Variants in KCTD1 observed in about 807,000 individuals in gnomAD.
KCTD1 encodes BTB/POZ domain-containing protein KCTD1.
KCTD1 carries 24 observed loss-of-function variants against 66.0 expected under a neutral mutation model. That is an observed-to-expected ratio of 0.36 (90% confidence interval 0.26 to 0.51). The LOEUF (loss-of-function observed/expected upper bound fraction) is 0.51. KCTD1 is among the 20% of genes least tolerant of loss of function. The probability of loss-of-function intolerance (pLI) is 0.95; values close to 1 mark genes in which losing one functional copy is unlikely to be tolerated. For synonymous variants in KCTD1, 511 were observed against 517.2 expected (o/e 0.99, Z 0.16); for missense variants, 943 against 1,205.2 (o/e 0.78, Z 3.22).
At chr18:26,505,161 T>C (rs914324688) in intron 1 of KCTD1, among the ~76,000 whole-genome samples, 3 of 152,268 alleles carry the variant, frequency 2.0e-5, no homozygotes, top group African/African-American at 7.2e-5. Flanking sequence ...GCGAGGTCAT[T>C]TGGCTTGGGG....
chr18:26,637,942 G>C (rs1387751456), intron 1 of KCTD1, among the ~76,000 whole-genome samples: 1 of 152,220 alleles, frequency 6.6e-6, no homozygotes, highest in Non-Finnish European at 1.5e-5. Flanking sequence ...TATCATTTTT[G>C]TAACGTTAGA....
intron 1 of KCTD1, among the ~76,000 whole-genome samples, chr18:26,653,505 T>C (rs1362500909): frequency 6.6e-6 from 1 of 152,222 alleles, no homozygotes; most frequent in Non-Finnish European, 1.5e-5. Flanking sequence ...TCTCTGTCAG[T>C]TGTTCAGTTA....
At chr18:26,655,705 T>C (rs1669096011) in intron 1 of KCTD1, 3 of 152,208 alleles carry the variant, frequency 2.0e-5, no homozygotes, top group Admixed American at 2.0e-4. Context: ...GCACAGTCAC[T>C]GAAAACGTTT....
Position 26,548,156 on chromosome 18 carries a change from C to G in KCTD1, c.381G>C (p.Gln127His), listed in dbSNP as rs1985347471. ...PEPVHMINMDQSAALEPEAPP... is the reference protein window; with the variant it reads ...PEPVHMINMDHSAALEPEAPP... Reference sequence around the variant, plus strand: ...GCGCCTCGGGCTCCAGCGCGGCGCTCTGGTCCATATTGATCATATGGACCG... The same window carrying G: ...GCGCCTCGGGCTCCAGCGCGGCGCTGTGGTCCATATTGATCATATGGACCG... The change falls in exon 1 of 5, where the codon CAG becomes CAC. Residue 127 changes from glutamine to histidine, a missense_variant. By Grantham distance (24) the Gln-to-His change is conservative (BLOSUM62 0). This residue lies in a region of KCTD1 where 236 missense variants were observed against 206.6 expected (regional missense o/e 1.14). Transcript: ENST00000580059. 2.2e-6 allele frequency: 3 copies of G among 1,391,704 alleles called. No homozygotes were observed. Among genetic ancestry groups the G allele is most frequent in the Non-Finnish European group, 2.8e-6 (3 of 1,075,556 alleles). 86.2% of individuals were successfully genotyped at this position (1,391,704 alleles called of 1,614,324 possible). A position where few individuals can be genotyped will look rare whatever the true frequency, so the allele number is the denominator to read the frequency against.
chr18:26,649,237 A>AG (rs1187396881), intron 1 of KCTD1, among the ~76,000 whole-genome samples: 8 of 152,216 alleles, frequency 5.3e-5, no homozygotes, highest in African/African-American at 1.9e-4. Flanking sequence ...TTTGGCATCA[A>AG]GTGCTCTCAA....
intron 2 of KCTD1, among the ~76,000 whole-genome samples, chr18:26,499,772 T>C (rs1192616776): frequency 6.6e-6 from 1 of 152,208 alleles, no homozygotes; most frequent in African/African-American, 2.4e-5. Context: ...GGTGCCCTTC[T>C]GAAGCTCAAG....
intron 1 of KCTD1, among the ~76,000 whole-genome samples, chr18:26,637,795 G>A (rs866074511): frequency 6.6e-6 from 1 of 152,208 alleles, no homozygotes; most frequent in African/African-American, 2.4e-5. Flanking sequence ...CAGTTTATTA[G>A]CTGTGCAACC....
At chr18:26,591,742 G>A (rs1484236928) in intron 1 of KCTD1, among the ~76,000 whole-genome samples, 5 of 152,088 alleles carry the variant, frequency 3.3e-5, no homozygotes, top group Non-Finnish European at 5.9e-5. Flanking sequence ...ACAATCTTGG[G>A]ACACTAAATT....
intron 1 of KCTD1, among the ~76,000 whole-genome samples, chr18:26,513,926 G>A (rs954189031): frequency 1.3e-5 from 2 of 152,162 alleles, no homozygotes; most frequent in African/African-American, 2.4e-5. Flanking sequence ...CTAGCTGATC[G>A]GGAAGATTAC....
intron 1 of KCTD1, among the ~76,000 whole-genome samples, chr18:26,578,061 T>TCTTTTCTTTTCTTTCTTTC (rs1475551115): frequency 7.5e-4 from 109 of 145,074 alleles, no homozygotes; most frequent in African/African-American, 2.7e-3. Context: ...TTCTTTCTTT[T>TCTTTTCTTTTCTTTCTTTC]TTTTTTTTTT....
At chr18:26,642,004 C>T (rs1987842781), upstream of KCTD1, among the ~76,000 whole-genome samples, 4 of 152,214 alleles carry the variant, frequency 2.6e-5, no homozygotes, top group South Asian at 8.3e-4. Context: ...GCACTTACTA[C>T]ATGCCGGGCA....
At chr18:26,495,923 T>C (rs115052262) in intron 2 of KCTD1, among the ~76,000 whole-genome samples, 1,723 of 152,300 alleles carry the variant, frequency 0.011, 26 homozygotes, top group African/African-American at 0.039. Flanking sequence ...AAGATTGTTT[T>C]TGTTGGAGGT....
intron 1 of KCTD1, among the ~76,000 whole-genome samples, chr18:26,503,071 TG>T (rs1294341075): frequency 2.0e-5 from 3 of 152,168 alleles, no homozygotes; most frequent in African/African-American, 7.2e-5. Flanking sequence ...TTACGCAAAA[TG>T]TTTACCATCT....
intron 1 of KCTD1, among the ~76,000 whole-genome samples, chr18:26,620,593 G>A (rs879651692): frequency 2.6e-5 from 4 of 151,146 alleles, no homozygotes; most frequent in Non-Finnish European, 4.4e-5. Context: ...GCAGCACCAC[G>A]CCTGCCTAAT....
chr18:26,471,925 G>C (rs1981085780), intron 3 of KCTD1, among the ~76,000 whole-genome samples: 1 of 152,188 alleles, frequency 6.6e-6, no homozygotes, highest in African/African-American at 2.4e-5. Context: ...AGGGAGGTGG[G>C]ATGAGGGTAG....
At chr18:26,564,365 TCA>T (rs1325279456) in intron 1 of KCTD1, among the ~76,000 whole-genome samples, 3 of 152,158 alleles carry the variant, frequency 2.0e-5, no homozygotes, top group Non-Finnish European at 4.4e-5. Flanking sequence ...ACCTGGACCA[TCA>T]ATTCCCATCC....
chr18:26,622,924 G>T (rs1249213622), intron 1 of KCTD1, among the ~76,000 whole-genome samples: 1 of 152,180 alleles, frequency 6.6e-6, no homozygotes, highest in African/African-American at 2.4e-5. Context: ...AGGCCAACCA[G>T]GGAATGATTT....
intron 1 of KCTD1, among the ~76,000 whole-genome samples, chr18:26,619,335 A>C: frequency 6.6e-6 from 1 of 152,246 alleles, no homozygotes; most frequent in East Asian, 1.9e-4. Context: ...GGTTGTAAAA[A>C]GAATGTATGT....
In KCTD1 at chr18:26,470,499, G is replaced by A. The variant is rs775408070; in HGVS notation, c.2133+6016C>T. On this transcript the variant is annotated intron_variant, in intron 3 of 4. Coordinates refer to ENST00000580059, the MANE Select transcript of KCTD1 (RefSeq NM_001142730.3). ...CATATAATCTTGAGGTGACAGGCAT[G>A]AGGCCAGAACGTCAACACTGAGGAT... Among the ~76,000 whole-genome samples, 7 of 152,234 alleles carry A rather than the reference G, an allele frequency of 4.6e-5. 1 individual carries two copies. Among genetic ancestry groups the A allele is most frequent in the African/African-American group, 9.6e-5 (4 of 41,460 alleles).
Sources: gnomAD v4.1 joint callset for allele counts (sites outside exome capture counted in the v4.1 genomes callset) on GRCh38, gnomAD v4.1.1 for gene constraint, gnomAD v4.1.1 regional missense constraint, MANE v1.5 for transcripts, NCBI Gene and HGNC (gene_info 2026-07-23, HGNC 2026-07-21) for gene names.